The following BIRC2 variants were observed in gnomAD, a reference collection of about 807,000 sequenced individuals.
BIRC2 encodes baculoviral IAP repeat-containing protein 2.
In BIRC2, 18 loss-of-function variants were observed where a neutral mutation model predicts 60.9. The observed-to-expected ratio is 0.30, with a 90% CI of 0.20 to 0.44. The LOEUF (loss-of-function observed/expected upper bound fraction) is 0.44, where lower values mean the gene tolerates loss of function less well. Ranked by LOEUF, BIRC2 falls within the 20% of genes least tolerant of loss-of-function variation. The probability of loss-of-function intolerance (pLI) is 1.00; values close to 1 mark genes in which losing one functional copy is unlikely to be tolerated. For missense variants in BIRC2, 701 were observed against 728.5 expected (o/e 0.96, Z 0.43); for synonymous variants, 282 against 247.7 (o/e 1.14, Z -1.30).
At chr11:102,352,160 C>A (rs1951371178) in intron 3 of BIRC2, among the ~76,000 whole-genome samples, 1 of 150,878 alleles carries the variant, frequency 6.6e-6, no homozygotes, top group Non-Finnish European at 1.5e-5. Flanking sequence ...GTCACCCAGG[C>A]TGGAGAGCAG....
intron 1 of BIRC2, 24 bp downstream of exon 1, chr11:102,347,400 C>T (rs1951304510): frequency 6.8e-6 from 1 of 147,036 alleles, no homozygotes; most frequent in African/African-American, 2.5e-5. Context: ...CTTCCGGGCT[C>T]GGGCGGCGTG....
chr11:102,374,409 C>G (rs1218836236), intron 6 of BIRC2, among the ~76,000 whole-genome samples: 2 of 147,882 alleles, frequency 1.4e-5, no homozygotes, highest in East Asian at 2.0e-4. Context: ...AGCTGCAGGT[C>G]TGTTGGAATA....
intron 6 of BIRC2, 23 bp downstream of exon 6, chr11:102,368,571 T>C (rs1320456596): frequency 1.2e-6 from 2 of 1,608,352 alleles, no homozygotes; most frequent in Non-Finnish European, 1.7e-6. Flanking sequence ...GTTAGTCACC[T>C]GCATTGTTTC....
At chr11:102,366,459 C>T (rs903305676) in intron 5 of BIRC2, among the ~76,000 whole-genome samples, 12 of 151,990 alleles carry the variant, frequency 7.9e-5, no homozygotes, top group African/African-American at 2.4e-4. Context: ...CTCCACCCGC[C>T]GGGTTCACGC....
At chr11:102,368,217 T>G in intron 5 of BIRC2, 89 bp from the exon 6 acceptor site, 2 of 1,430,094 alleles carry the variant, frequency 1.4e-6, no homozygotes. Flanking sequence ...AATATGAGAG[T>G]AAAGGATGAA....
rs1042402303 is a variant in BIRC2, at chr11:102,347,365, G to C, written c.-1269G>C. The stretch of plus-strand genomic sequence containing the variant: ...GCCGCGCAGCTTCCGTGTTTGCTGC[G>C]CCCGCACTGCGGTGAGTGCTGCTCC... On this transcript the variant is annotated 5_prime_UTR_variant, in exon 1 of 9. Transcript: ENST00000227758. The C allele has an allele frequency of 2.0e-5, 3 of 152,302 alleles. No homozygotes were observed. Among genetic ancestry groups the C allele is most frequent in the Non-Finnish European group, 4.4e-5 (3 of 68,096 alleles). 9.4% of individuals were successfully genotyped at this position (152,302 alleles called of 1,614,324 possible).
chr11:102,349,714 CTG>C lies in BIRC2; in HGVS notation c.-140_-139del, dbSNP rs1017242110. The C allele has an allele frequency of 1.2e-6, 1 of 867,878 alleles. No homozygotes were observed. Among genetic ancestry groups the C allele is most frequent in the African/African-American group, 1.7e-5 (1 of 58,616 alleles). 53.8% of individuals were successfully genotyped at this position (867,878 alleles called of 1,614,324 possible). A position where few individuals can be genotyped will look rare whatever the true frequency, so the allele number is the denominator to read the frequency against. ...GATACTCATCCTACCTGAATATAAA[CTG>C]AGATAAATCCAGTAAAGAAAGTGTA... On this transcript the variant is annotated 5_prime_UTR_variant, in exon 2 of 9. Transcript: ENST00000227758.
intron 6 of BIRC2, among the ~76,000 whole-genome samples, chr11:102,373,527 C>G (rs1050296246): frequency 6.6e-6 from 1 of 151,560 alleles, no homozygotes; most frequent in Non-Finnish European, 1.5e-5. Flanking sequence ...GGGTTTCTGC[C>G]GAGAGATCCG....
At chr11:102,374,467 A>G (rs1458722547) in intron 6 of BIRC2, among the ~76,000 whole-genome samples, 12 of 149,338 alleles carry the variant, frequency 8.0e-5, no homozygotes, top group South Asian at 4.4e-4. Flanking sequence ...GGTGCCTCCC[A>G]GTTAGGCTGC....
intron 5 of BIRC2, among the ~76,000 whole-genome samples, chr11:102,364,174 TAC>T (rs376590420): frequency 6.4e-5 from 5 of 78,110 alleles, no homozygotes; most frequent in East Asian, 4.6e-4. Flanking sequence ...TATATATATA[TAC>T]ACACACACAC....
At chr11:102,361,713 C>T (rs986659209) in intron 3 of BIRC2, among the ~76,000 whole-genome samples, 2 of 152,146 alleles carry the variant, frequency 1.3e-5, no homozygotes, top group African/African-American at 4.8e-5. Context: ...CAGTCTTTGC[C>T]ACTGAGGACT....
intron 3 of BIRC2, among the ~76,000 whole-genome samples, chr11:102,358,269 C>T (rs1478618413): frequency 6.6e-6 from 1 of 152,116 alleles, no homozygotes; most frequent in Non-Finnish European, 1.5e-5. Flanking sequence ...ATCCAAAATC[C>T]AAAATGTTCC....
intron 4 of BIRC2, among the ~76,000 whole-genome samples, chr11:102,363,427 C>T (rs936979888): frequency 3.3e-5 from 5 of 152,068 alleles, no homozygotes; most frequent in Admixed American, 3.3e-4. Flanking sequence ...AAATGAGAAA[C>T]CACTGATACA....
intron 6 of BIRC2, among the ~76,000 whole-genome samples, chr11:102,375,932 A>C (rs1463136698): frequency 6.6e-6 from 1 of 152,028 alleles, no homozygotes; most frequent in Non-Finnish European, 1.5e-5. Context: ...TGCAAATAAA[A>C]CACTTTAACA....
chr11:102,355,322 A>G (rs1453925345), intron 3 of BIRC2, among the ~76,000 whole-genome samples: 1 of 152,132 alleles, frequency 6.6e-6, no homozygotes, highest in Non-Finnish European at 1.5e-5. Flanking sequence ...GTTTTACATA[A>G]AAACGGTGTT....
rs1273169244 is a variant in BIRC2 at position 102,349,427 on chromosome 11, G to A, written c.-428G>A. On this transcript the variant is annotated 5_prime_UTR_variant, in exon 2 of 9. Coordinates refer to ENST00000227758, the MANE Select transcript of BIRC2 (RefSeq NM_001166.5). ...TTACCTTGTGGCATAATCAGTAATTGGTCTGTTATTCAGGCTTCATAGCTT... is the reference window on the plus strand; with the variant it reads ...TTACCTTGTGGCATAATCAGTAATTAGTCTGTTATTCAGGCTTCATAGCTT... 1 of 153,572 alleles carries A rather than the reference G, an allele frequency of 6.5e-6. No homozygotes were observed. Among genetic ancestry groups the A allele is most frequent in the Non-Finnish European group, 1.4e-5 (1 of 69,104 alleles). 9.5% of individuals were successfully genotyped at this position (153,572 alleles called of 1,614,324 possible). A position where few individuals can be genotyped will look rare whatever the true frequency, so the allele number is the denominator to read the frequency against.
chr11:102,362,912 C>A lies in BIRC2; in HGVS notation c.1012C>A (p.Arg338=), dbSNP rs896200881. The change falls in exon 4 of 9, where the codon CGA becomes AGA. Residue 338 remains arginine, a synonymous_variant. Transcript: ENST00000227758. The part of the protein sequence containing the change: ...KWFPRCEFLI[R]MKGQEFVDEI... The stretch of plus-strand genomic sequence containing the variant: ...ATGTTTTAGGTGTGAGTTCTTGATA[C>A]GAATGAAAGGCCAAGAGTTTGTTGA... The A allele has an allele frequency of 6.2e-7, 1 of 1,612,220 alleles. No homozygotes were observed. The highest frequency in any genetic ancestry group is 8.5e-7 in the Non-Finnish European group (1 of 1,178,830).
chr11:102,360,869 C>T (rs1415765283), intron 3 of BIRC2, among the ~76,000 whole-genome samples: 1 of 151,212 alleles, frequency 6.6e-6, no homozygotes, highest in Non-Finnish European at 1.5e-5. Flanking sequence ...GGTTCTGGCT[C>T]TGTGGAAGGC....
chr11:102,357,338 T>A (rs1410699927), intron 3 of BIRC2, among the ~76,000 whole-genome samples: 2 of 151,104 alleles, frequency 1.3e-5, no homozygotes, highest in African/African-American at 4.9e-5. Flanking sequence ...TTCCTCCTCC[T>A]CCTCCTCTTC....
Sources: allele counts gnomAD v4.1 joint callset (sites outside exome capture counted in the v4.1 genomes callset), GRCh38; gene constraint gnomAD v4.1.1; transcripts MANE v1.5; gene names NCBI Gene and HGNC (gene_info 2026-07-23, HGNC 2026-07-21).